IQCJ: variants seen among roughly 807,000 people sequenced by gnomAD.
IQCJ encodes the protein IQ domain-containing protein J.
A neutral mutation model predicts 11.0 loss-of-function variants in IQCJ; 9 were observed. The observed-to-expected ratio is 0.82, with a 90% confidence interval of 0.49 to 1.43. The LOEUF is 1.43. IQCJ is among the 40% of genes most tolerant of loss of function. The pLI, the probability that IQCJ is intolerant of heterozygous loss-of-function variation, is 0.00. For missense variants in IQCJ, 146 were observed against 133.2 expected (o/e 1.10, Z -0.47); for synonymous variants, 55 against 51.3 (o/e 1.07, Z -0.31).
At chr3:159,226,616 G>A (rs530349679) in intron 1 of IQCJ, among the ~76,000 whole-genome samples, 2 of 152,264 alleles carry the variant, frequency 1.3e-5, no homozygotes, top group East Asian at 1.9e-4. Context: ...GAACTTCTGC[G>A]AATCTTACTT....
chr3:159,266,183 C>T (rs572786191), downstream of IQCJ: 3 of 152,310 alleles, frequency 2.0e-5, no homozygotes, highest in African/African-American at 7.2e-5. Context: ...GAGATAACTA[C>T]CTTTTCTTGG....
intron 1 of IQCJ, among the ~76,000 whole-genome samples, chr3:159,187,325 G>A (rs1044570163): frequency 2.6e-5 from 4 of 152,132 alleles, no homozygotes; most frequent in African/African-American, 9.7e-5. Context: ...ACCTCTACTT[G>A]GTCTGGCCCA....
At chr3:159,147,830 G>T (rs1460856439) in intron 1 of IQCJ, among the ~76,000 whole-genome samples, 1 of 152,160 alleles carries the variant, frequency 6.6e-6, no homozygotes, top group Non-Finnish European at 1.5e-5. Context: ...CTTACTAAAA[G>T]AGGAATGACA....
intron 1 of IQCJ, among the ~76,000 whole-genome samples, chr3:159,182,166 C>T (rs1723126375): frequency 6.6e-6 from 1 of 151,778 alleles, no homozygotes; most frequent in Non-Finnish European, 1.5e-5. Context: ...TACTTCTTGG[C>T]TTGGCTATTC....
At chr3:159,088,888 G>A (rs970991305) in intron 1 of IQCJ, among the ~76,000 whole-genome samples, 1 of 152,084 alleles carries the variant, frequency 6.6e-6, no homozygotes, top group African/African-American at 2.4e-5. Context: ...GCCAGTCTGT[G>A]TCTTTTAATT....
chr3:159,254,631 T>A (rs1049808590), intron 3 of IQCJ, among the ~76,000 whole-genome samples: 2 of 152,162 alleles, frequency 1.3e-5, no homozygotes, highest in Non-Finnish European at 2.9e-5. Flanking sequence ...CCTCTCTGCA[T>A]ACATGAGACC....
intron 1 of IQCJ, among the ~76,000 whole-genome samples, chr3:159,120,827 G>A (rs1289328676): frequency 6.6e-6 from 1 of 152,204 alleles, no homozygotes; most frequent in Non-Finnish European, 1.5e-5. Context: ...AACTGTCGGA[G>A]CTGCTAGAGG....
At chr3:159,139,927 C>T (rs966684166) in intron 1 of IQCJ, among the ~76,000 whole-genome samples, 1 of 152,072 alleles carries the variant, frequency 6.6e-6, no homozygotes, top group South Asian at 2.1e-4. Flanking sequence ...AGGATCCAAA[C>T]CCAGGTCTTC....
chr3:159,144,082 GACC>G (rs1487025544), intron 1 of IQCJ, among the ~76,000 whole-genome samples: 1 of 152,132 alleles, frequency 6.6e-6, no homozygotes, highest in Non-Finnish European at 1.5e-5. Flanking sequence ...TTTCCAAAAG[GACC>G]TGTTTGTTAA....
At chr3:159,190,153 G>A (rs1028781779) in intron 1 of IQCJ, among the ~76,000 whole-genome samples, 2 of 152,150 alleles carry the variant, frequency 1.3e-5, no homozygotes, top group African/African-American at 4.8e-5. Flanking sequence ...TGTGTGACCA[G>A]AGGATTAGCA....
intron 1 of IQCJ, among the ~76,000 whole-genome samples, chr3:159,128,328 G>C (rs1354612988): frequency 6.6e-6 from 1 of 152,160 alleles, no homozygotes; most frequent in East Asian, 1.9e-4. Context: ...TGAGCCAGAG[G>C]AATGGATAGA....
At chr3:159,219,630 A>G (rs752550184) in intron 1 of IQCJ, among the ~76,000 whole-genome samples, 6 of 152,174 alleles carry the variant, frequency 3.9e-5, no homozygotes, top group Admixed American at 1.3e-4. Context: ...AAAGGATCAC[A>G]ATGGTTTTAT....
intron 1 of IQCJ, among the ~76,000 whole-genome samples, chr3:159,177,533 GT>G (rs1208010349): frequency 6.6e-6 from 1 of 152,124 alleles, no homozygotes; most frequent in African/African-American, 2.4e-5. Context: ...TCCCACTCAG[GT>G]ATTTCCTGAG....
intron 1 of IQCJ, among the ~76,000 whole-genome samples, chr3:159,110,000 G>C (rs932745282): frequency 6.6e-6 from 1 of 152,108 alleles, no homozygotes; most frequent in Non-Finnish European, 1.5e-5. Flanking sequence ...ACACAGATCA[G>C]TGTTGATAAA....
intron 1 of IQCJ, among the ~76,000 whole-genome samples, chr3:159,072,225 G>T (rs1383330568): frequency 1.3e-5 from 2 of 152,024 alleles, no homozygotes; most frequent in African/African-American, 2.4e-5. Flanking sequence ...CAAAATCCTT[G>T]GGAGCATTTT....
At chr3:159,083,255 T>A (rs1293364877) in intron 1 of IQCJ, among the ~76,000 whole-genome samples, 2 of 152,152 alleles carry the variant, frequency 1.3e-5, no homozygotes. Context: ...ATGAACTCTT[T>A]CAACCATAAA....
intron 1 of IQCJ, among the ~76,000 whole-genome samples, chr3:159,160,150 T>G (rs773216657): frequency 6.6e-6 from 1 of 152,312 alleles, no homozygotes; most frequent in East Asian, 1.9e-4. Context: ...TCTTCTGGAC[T>G]GAGGTTCGGC....
chr3:159,243,758 A>G (rs1199699707), intron 1 of IQCJ, among the ~76,000 whole-genome samples: 1 of 152,186 alleles, frequency 6.6e-6, no homozygotes, highest in South Asian at 2.1e-4. Flanking sequence ...TGTAAATTAT[A>G]CTCCAATTAA....
At chr3:159,207,850 T>C (rs1724741645) in intron 1 of IQCJ, among the ~76,000 whole-genome samples, 1 of 152,366 alleles carries the variant, frequency 6.6e-6, no homozygotes, top group Non-Finnish European at 1.5e-5. Flanking sequence ...GAAATTACGC[T>C]GATTTTTCCA....
Sources: gnomAD v4.1 joint callset for allele counts (sites outside exome capture counted in the v4.1 genomes callset) on GRCh38, gnomAD v4.1.1 for gene constraint, MANE v1.5 for transcripts, NCBI Gene and HGNC (gene_info 2026-07-23, HGNC 2026-07-21) for gene names.